PROCR: variants seen among roughly 807,000 people sequenced by gnomAD.
PROCR encodes protein C receptor.
Under a neutral mutation model 24.2 loss-of-function variants are expected in PROCR, and 22 were observed. That is an observed-to-expected ratio of 0.91 (90% CI 0.65 to 1.30). PROCR has a LOEUF of 1.30. PROCR is among the 50% of genes most tolerant of loss of function. PROCR has a pLI of 0.00. For synonymous variants in PROCR, 137 were observed against 139.2 expected (o/e 0.98, Z 0.11); for missense variants, 288 against 307.7 (o/e 0.94, Z 0.48).
At chr20:35,178,519 T>TTTTTTTG (rs2086047952), downstream of PROCR, among the ~76,000 whole-genome samples, 23 of 50,884 alleles carry the variant, frequency 4.5e-4, 1 homozygote, top group South Asian at 4.6e-3. Context: ...TTTTTTTTTT[T>TTTTTTTG]TTTTTTTTTT....
intron 1 of PROCR, among the ~76,000 whole-genome samples, chr20:35,196,222 G>C (rs1268031539): frequency 2.8e-5 from 4 of 142,882 alleles, no homozygotes; most frequent in Non-Finnish European, 6.1e-5. Context: ...CAGAGCCTCA[G>C]ATACCTGTGG....
intron 1 of PROCR, among the ~76,000 whole-genome samples, chr20:35,173,979 C>T (rs1433541100): frequency 6.6e-6 from 1 of 152,158 alleles, no homozygotes; most frequent in Admixed American, 6.5e-5. Context: ...GAGTGCTGGA[C>T]TTGACTGCCT....
At chr20:35,184,569 G>A (rs1201034765) in intron 1 of PROCR, among the ~76,000 whole-genome samples, 16 of 152,082 alleles carry the variant, frequency 1.1e-4, no homozygotes, top group African/African-American at 3.6e-4. Context: ...GCGTGGTGGC[G>A]GGCGCCTGTA....
chr20:35,203,956 A>G (rs1197560826), intron 1 of PROCR, among the ~76,000 whole-genome samples: 5 of 152,118 alleles, frequency 3.3e-5, no homozygotes, highest in Non-Finnish European at 5.9e-5. Context: ...GAAATTGAAA[A>G]CAGAAAAAAA....
At chr20:35,203,642 AAG>A (rs2060327407) in intron 1 of PROCR, among the ~76,000 whole-genome samples, 1 of 151,884 alleles carries the variant, frequency 6.6e-6, no homozygotes, top group Non-Finnish European at 1.5e-5. Context: ...AAAGAAAAAA[AAG>A]AGAACTCTCA....
At chr20:35,184,807 G>A (rs186064284) in intron 1 of PROCR, among the ~76,000 whole-genome samples, 4 of 152,230 alleles carry the variant, frequency 2.6e-5, no homozygotes, top group Admixed American at 2.6e-4. Flanking sequence ...TCTAGACATT[G>A]GCTTAGCCAA....
At chr20:35,194,923 C>T (rs2086203259) in intron 1 of PROCR, among the ~76,000 whole-genome samples, 3 of 152,116 alleles carry the variant, frequency 2.0e-5, no homozygotes, top group Non-Finnish European at 4.4e-5. Flanking sequence ...GGGCAAGATA[C>T]AATCCAAAAT....
intron 1 of PROCR, among the ~76,000 whole-genome samples, chr20:35,173,433 T>C (rs1388588286): frequency 7.8e-5 from 11 of 140,340 alleles, no homozygotes; most frequent in African/African-American, 2.1e-4. Context: ...CTTTTTTTTT[T>C]TTTTTTTTTT....
chr20:35,176,563 GACAGAAC>G, intron 3 of PROCR, 117 bp downstream of exon 3: 3 of 1,597,732 alleles, frequency 1.9e-6, no homozygotes, highest in Non-Finnish European at 2.6e-6. Context: ...GGGGGTTTGG[GACAGAAC>G]ACACGCAGCT....
intron 1 of PROCR, among the ~76,000 whole-genome samples, chr20:35,193,186 T>C (rs1020901207): frequency 5.5e-4 from 84 of 151,716 alleles, no homozygotes; most frequent in Non-Finnish European, 7.7e-4. Context: ...TTCTTTTTTT[T>C]TTTTTTTTAA....
downstream of PROCR, among the ~76,000 whole-genome samples, chr20:35,181,261 AATTTTAATTTAATTTT>A (rs1440987571): frequency 8.6e-6 from 1 of 115,682 alleles, no homozygotes; most frequent in Admixed American, 8.2e-5. Context: ...TTTCTAATTT[AATTTTAATTTAATTTT>A]ATTTTATTTT....
chr20:35,205,621 C>G (rs2060335415), intron 1 of PROCR, among the ~76,000 whole-genome samples: 1 of 148,080 alleles, frequency 6.8e-6, no homozygotes, highest in East Asian at 2.0e-4. Context: ...TGTGGTGGTG[C>G]ATGCTTGTAA....
chr20:35,193,364 C>A (rs927527792), intron 1 of PROCR, among the ~76,000 whole-genome samples: 2 of 152,024 alleles, frequency 1.3e-5, no homozygotes, highest in East Asian at 3.9e-4. Flanking sequence ...TTAGTAGAGA[C>A]GGGGTTTCAC....
chr20:35,185,017 C>T (rs558685478), intron 1 of PROCR, among the ~76,000 whole-genome samples: 4 of 95,128 alleles, frequency 4.2e-5, no homozygotes, highest in South Asian at 3.3e-4. Flanking sequence ...TGAACTCAAA[C>T]GAATCAGTAA....
chr20:35,182,803 G>A (rs1047699514), intron 1 of PROCR, among the ~76,000 whole-genome samples: 3 of 151,794 alleles, frequency 2.0e-5, no homozygotes, highest in Admixed American at 6.6e-5. Flanking sequence ...TGGTGAAACC[G>A]TCTCTACTAA....
chr20:35,190,001 T>C (rs1331886061), intron 1 of PROCR, among the ~76,000 whole-genome samples: 1 of 152,200 alleles, frequency 6.6e-6, no homozygotes, highest in East Asian at 1.9e-4. Context: ...TTTTATCCTA[T>C]TATGTCATGA....
rs140413955 is a variant in PROCR, at chr20:35,191,044, G to C, written c.94+14598G>C. Among the ~76,000 whole-genome samples, 1,108 of 152,126 alleles carry C rather than the reference G, an allele frequency of 7.3e-3. 7 individuals carry two copies. The highest frequency in any genetic ancestry group is 0.025 in the African/African-American group (1,047 of 41,494). Reference sequence around the variant, plus strand: ...CCAGCTAATTTTCATATTTTTAGTAGAGACAGGGTTTCACCATGTTGGCCA... The same window carrying C: ...CCAGCTAATTTTCATATTTTTAGTACAGACAGGGTTTCACCATGTTGGCCA... On this transcript the variant is annotated intron_variant, in intron 1 of 1. Transcript: ENST00000634509.
At chr20:35,186,396 G>A (rs972786990) in intron 1 of PROCR, among the ~76,000 whole-genome samples, 5 of 151,276 alleles carry the variant, frequency 3.3e-5, no homozygotes, top group Non-Finnish European at 7.4e-5. Context: ...GAGAAACCCC[G>A]CCTCTTCTAA....
chr20:35,202,479 A>G (rs2060322670), intron 1 of PROCR: 1 of 133,824 alleles, frequency 7.5e-6, no homozygotes, highest in Admixed American at 8.4e-5. Context: ...GACAAAGATT[A>G]TCGGATTGGA....
Sources: gnomAD v4.1 joint callset for allele counts (sites outside exome capture counted in the v4.1 genomes callset) on GRCh38, gnomAD v4.1.1 for gene constraint, MANE v1.5 for transcripts, NCBI Gene and HGNC (gene_info 2026-07-23, HGNC 2026-07-21) for gene names.